The following LHFPL3 variants were observed in gnomAD, a reference collection of about 807,000 sequenced individuals.
The protein encoded by LHFPL3 is LHFPL tetraspan subfamily member 3 protein.
A neutral mutation model predicts 19.3 loss-of-function variants in LHFPL3; 5 were observed. The observed-to-expected ratio is 0.26, with a 90% confidence interval of 0.14 to 0.54. LHFPL3 has a LOEUF of 0.54. Among genes scored for constraint, LHFPL3 ranks in the 20% least tolerant of loss-of-function variants. The pLI is 0.94. For missense variants in LHFPL3, 249 were observed against 307.4 expected (o/e 0.81, Z 1.42); for synonymous variants, 133 against 126.2 (o/e 1.05, Z -0.36).
chr7:104,584,673 G>T (rs566731723), intron 1 of LHFPL3, among the ~76,000 whole-genome samples: 51 of 152,208 alleles, frequency 3.4e-4, no homozygotes, highest in African/African-American at 1.2e-3. Context: ...AGTTCTTAGT[G>T]TAGAATCTTG....
At chr7:104,383,388 A>C (rs546627791) in intron 1 of LHFPL3, among the ~76,000 whole-genome samples, 2 of 152,182 alleles carry the variant, frequency 1.3e-5, no homozygotes, top group East Asian at 3.9e-4. Flanking sequence ...GTTAATCATT[A>C]AACTTGATTT....
At position 104,754,226 on chromosome 7, in the gene LHFPL3, TA is replaced by T. The variant is rs372314028; in HGVS notation, c.682+17323del. Among the ~76,000 whole-genome samples, 307 of 151,700 alleles carry T rather than the reference TA, an allele frequency of 2.0e-3. 1 individual carries two copies. Among genetic ancestry groups the T allele is most frequent in the African/African-American group, 6.8e-3 (282 of 41,364 alleles). ...TGGATCTTAAAAACAGAATGCTTAA[TA>T]AAAAAAAGAAACAGAATAAAATAAG... is the stretch of plus-strand genomic sequence containing the variant. On this transcript the variant is annotated intron_variant, in intron 2 of 2. Coordinates refer to ENST00000424859, the MANE Select transcript of LHFPL3 (RefSeq NM_199000.3).
chr7:104,611,517 C>G (rs1046539087), intron 1 of LHFPL3, among the ~76,000 whole-genome samples: 6 of 152,142 alleles, frequency 3.9e-5, no homozygotes, highest in Non-Finnish European at 7.3e-5. Context: ...GTGTCAGAAT[C>G]AAAGGGCAAA....
intron 1 of LHFPL3, among the ~76,000 whole-genome samples, chr7:104,479,672 A>G (rs192177135): frequency 1.4e-4 from 21 of 152,278 alleles, no homozygotes; most frequent in Admixed American, 8.5e-4. Flanking sequence ...GATTACAGGC[A>G]TGAGCCACTA....
intron 1 of LHFPL3, among the ~76,000 whole-genome samples, chr7:104,622,604 C>T (rs1791468198): frequency 6.6e-6 from 1 of 152,168 alleles, no homozygotes; most frequent in African/African-American, 2.4e-5. Flanking sequence ...AATCACTTCC[C>T]CTTTCTTCTT....
At chr7:104,696,982 C>G (rs1287742282) in intron 1 of LHFPL3, among the ~76,000 whole-genome samples, 1 of 152,168 alleles carries the variant, frequency 6.6e-6, no homozygotes, top group Non-Finnish European at 1.5e-5. Context: ...AAGATACAGG[C>G]AGATTTAGTG....
intron 1 of LHFPL3, among the ~76,000 whole-genome samples, chr7:104,452,213 G>A (rs1192908065): frequency 1.3e-5 from 2 of 151,916 alleles, no homozygotes; most frequent in Admixed American, 1.3e-4. Context: ...ACATGAATGG[G>A]ATCAGCTTAT....
chr7:104,847,434 T>C (rs1296519723), intron 2 of LHFPL3, among the ~76,000 whole-genome samples: 1 of 152,268 alleles, frequency 6.6e-6, no homozygotes, highest in Non-Finnish European at 1.5e-5. Flanking sequence ...TATGGAATTA[T>C]AGTTATTAAC....
chr7:104,487,942 T>C (rs992567398), intron 1 of LHFPL3, among the ~76,000 whole-genome samples: 1 of 152,178 alleles, frequency 6.6e-6, no homozygotes, highest in Non-Finnish European at 1.5e-5. Context: ...GGCTCTCTTT[T>C]TGTTGCCAAG....
At chr7:104,373,491 G>T (rs1166217814) in intron 1 of LHFPL3, among the ~76,000 whole-genome samples, 1 of 152,132 alleles carries the variant, frequency 6.6e-6, no homozygotes, top group East Asian at 1.9e-4. Flanking sequence ...TTGACTAAAA[G>T]ACTCAAACTC....
intron 1 of LHFPL3, among the ~76,000 whole-genome samples, chr7:104,561,881 G>A (rs866383533): frequency 1.1e-4 from 17 of 152,064 alleles, no homozygotes; most frequent in Middle Eastern, 3.4e-3. Flanking sequence ...AGGCCTGGTG[G>A]TGACAAAATC....
At chr7:104,765,074 T>G (rs58334947) in intron 2 of LHFPL3, among the ~76,000 whole-genome samples, 2,905 of 152,312 alleles carry the variant, frequency 0.019, 95 homozygotes, top group East Asian at 0.15. Flanking sequence ...ATTTCTTATC[T>G]TGTGTTCTAA....
At chr7:104,473,338 A>T (rs937273652) in intron 1 of LHFPL3, among the ~76,000 whole-genome samples, 3 of 152,238 alleles carry the variant, frequency 2.0e-5, no homozygotes. Flanking sequence ...TGACTTCTCA[A>T]TAGAACACCT....
chr7:104,500,307 A>G (rs1793576281), intron 1 of LHFPL3, among the ~76,000 whole-genome samples: 2 of 151,780 alleles, frequency 1.3e-5, no homozygotes, highest in African/African-American at 4.9e-5. Flanking sequence ...CTGGAGATCA[A>G]TACTTGATAC....
At position 104,853,597 on chromosome 7, in the gene LHFPL3, C is replaced by T. The variant is rs73417674; in HGVS notation, c.683-52590C>T. ...AATAAAAATGAATGGTAAATTAGTG[C>T]TAATTTGATTTATTTTTATTTACTT... On this transcript the variant is annotated intron_variant, in intron 2 of 2. Transcript: ENST00000424859. 6.3e-3 allele frequency among the ~76,000 whole-genome samples: 966 copies of T among 152,158 alleles called. 15 individuals carry two copies. The highest frequency in any genetic ancestry group is 0.022 in the African/African-American group (928 of 41,472).
chr7:104,885,474 C>A (rs1022099560), intron 2 of LHFPL3, among the ~76,000 whole-genome samples: 1 of 152,204 alleles, frequency 6.6e-6, no homozygotes, highest in African/African-American at 2.4e-5. Context: ...TAGGACCCCA[C>A]TCACTCAGAT....
At chr7:104,627,929 C>G (rs1791576406) in intron 1 of LHFPL3, among the ~76,000 whole-genome samples, 1 of 152,218 alleles carries the variant, frequency 6.6e-6, no homozygotes, top group Non-Finnish European at 1.5e-5. Flanking sequence ...CATTCTCACC[C>G]TGCAGTTGAC....
chr7:104,776,184 G>A (rs968991945), intron 2 of LHFPL3, among the ~76,000 whole-genome samples: 2 of 152,188 alleles, frequency 1.3e-5, no homozygotes, highest in African/African-American at 4.8e-5. Flanking sequence ...CACTCTGTGA[G>A]CCCAAAGTCA....
At chr7:104,381,874 A>T (rs189846189) in intron 1 of LHFPL3, among the ~76,000 whole-genome samples, 19 of 152,350 alleles carry the variant, frequency 1.2e-4, no homozygotes, top group African/African-American at 4.3e-4. Flanking sequence ...ACTGAAACAG[A>T]AGTATTGGAA....
Sources: gnomAD v4.1 joint callset for allele counts (sites outside exome capture counted in the v4.1 genomes callset) on GRCh38, gnomAD v4.1.1 for gene constraint, MANE v1.5 for transcripts, NCBI Gene and HGNC (gene_info 2026-07-23, HGNC 2026-07-21) for gene names.